Variants in NRCAM observed in about 807,000 individuals in gnomAD.
The protein encoded by NRCAM is NgCAM-related cell adhesion molecule.
A neutral mutation model predicts 156.5 loss-of-function variants in NRCAM; 83 were observed. The ratio of observed to expected loss-of-function variants is 0.53; its 90% CI spans 0.44 to 0.64. The LOEUF (loss-of-function observed/expected upper bound fraction) is 0.64, where lower values mean the gene tolerates loss of function less well. Among genes scored for constraint, NRCAM ranks in the 30% least tolerant of loss-of-function variants. The probability of loss-of-function intolerance (pLI) is 0.00; values close to 1 mark genes in which losing one functional copy is unlikely to be tolerated. For synonymous variants in NRCAM, 538 were observed against 563.9 expected, an observed-to-expected ratio of 0.95 and a Z score of 0.65; for missense variants, 1,417 against 1,597.3, an observed-to-expected ratio of 0.89 and a Z score of 1.92.
chr7:108,245,900 T>C (rs997327421), intron 3 of NRCAM, among the ~76,000 whole-genome samples: 14 of 152,090 alleles, frequency 9.2e-5, no homozygotes, highest in Non-Finnish European at 2.9e-5. Flanking sequence ...AATAGAACAA[T>C]ATGAGGCAAT....
rs1302408650 is a variant in NRCAM, at chr7:108,240,104, T to G, written c.-40A>C. 7.1e-7 allele frequency: 1 copy of G among 1,402,412 alleles called. No homozygotes were observed. 86.9% of individuals were successfully genotyped at this position (1,402,412 alleles called of 1,614,324 possible). ...CTGAGACTCACACACTGAATTTCCT[T>G]TTCTTCTTTCACAAAAGATTTTGTG... On this transcript the variant is annotated 5_prime_UTR_variant, in exon 4 of 33. Transcript: ENST00000379028.
At chr7:108,241,364 C>T (rs1271484028) in intron 3 of NRCAM, among the ~76,000 whole-genome samples, 2 of 152,138 alleles carry the variant, frequency 1.3e-5, no homozygotes, top group Non-Finnish European at 2.9e-5. Flanking sequence ...ATATCCATCC[C>T]ACAGTAAACT....
At chr7:108,304,187 T>G (rs930048749) in intron 3 of NRCAM, among the ~76,000 whole-genome samples, 3 of 152,224 alleles carry the variant, frequency 2.0e-5, no homozygotes, top group African/African-American at 7.2e-5. Flanking sequence ...CAAGACATTG[T>G]GATTTTCCCC....
chr7:108,358,244 CAA>C (rs71314689), intron 2 of NRCAM, among the ~76,000 whole-genome samples: 11 of 71,762 alleles, frequency 1.5e-4, no homozygotes, highest in Non-Finnish European at 1.4e-4. Context: ...CCCCTCTCTA[CAA>C]AAAAAAAAAA....
intron 11 of NRCAM, among the ~76,000 whole-genome samples, chr7:108,222,650 G>A (rs1562808983): frequency 2.6e-5 from 4 of 152,070 alleles, no homozygotes; most frequent in Non-Finnish European, 5.9e-5. Flanking sequence ...GTAATGCATA[G>A]TATGATTTCC....
intron 2 of NRCAM, among the ~76,000 whole-genome samples, chr7:108,342,067 T>C (rs2099288389): frequency 6.6e-6 from 1 of 152,254 alleles, no homozygotes; most frequent in Admixed American, 6.5e-5. Flanking sequence ...TCACTTGGAC[T>C]GTTTTACCCC....
chr7:108,344,229 G>T (rs1292334530), intron 2 of NRCAM, among the ~76,000 whole-genome samples: 5 of 152,190 alleles, frequency 3.3e-5, no homozygotes, highest in Admixed American at 3.3e-4. Flanking sequence ...AGCTGGGAAG[G>T]TGACTGCAAC....
At chr7:108,268,150 CTA>C (rs778234731) in intron 3 of NRCAM, among the ~76,000 whole-genome samples, 2 of 152,126 alleles carry the variant, frequency 1.3e-5, no homozygotes, top group Non-Finnish European at 2.9e-5. Flanking sequence ...GATAAAAAGA[CTA>C]TATTCTCTTC....
chr7:108,258,469 C>T (rs1044892322), intron 3 of NRCAM, among the ~76,000 whole-genome samples: 1 of 152,092 alleles, frequency 6.6e-6, no homozygotes, highest in Non-Finnish European at 1.5e-5. Context: ...AGGGAAAGAC[C>T]CCAATTCAGA....
At chr7:108,258,602 G>A (rs868616046) in intron 3 of NRCAM, among the ~76,000 whole-genome samples, 39 of 152,200 alleles carry the variant, frequency 2.6e-4, no homozygotes, top group African/African-American at 8.2e-4. Flanking sequence ...TCCTGGTGCT[G>A]TCACCTACAA....
At chr7:108,373,190 G>A (rs1455505575) in intron 2 of NRCAM, among the ~76,000 whole-genome samples, 1 of 152,090 alleles carries the variant, frequency 6.6e-6, no homozygotes, top group African/African-American at 2.4e-5. Flanking sequence ...GCCAAGGGGT[G>A]GAAGTAGGAG....
chr7:108,413,751 C>T (rs1798201550), intron 1 of NRCAM, among the ~76,000 whole-genome samples: 1 of 152,120 alleles, frequency 6.6e-6, no homozygotes, highest in Non-Finnish European at 1.5e-5. Context: ...TTTAGTTATC[C>T]AGCCAATAGA....
intron 30 of NRCAM, among the ~76,000 whole-genome samples, chr7:108,166,161 T>C (rs2053981099): frequency 6.6e-6 from 1 of 152,206 alleles, no homozygotes; most frequent in South Asian, 2.1e-4. Flanking sequence ...AATGTAATAA[T>C]ATCTGTATCA....
intron 2 of NRCAM, among the ~76,000 whole-genome samples, chr7:108,323,056 G>C (rs1042123859): frequency 1.3e-5 from 2 of 152,124 alleles, no homozygotes; most frequent in African/African-American, 2.4e-5. Flanking sequence ...GGTGTTATGA[G>C]AGCTTGGTTT....
At chr7:108,432,232 A>G (rs548794118) in intron 1 of NRCAM, among the ~76,000 whole-genome samples, 1 of 152,384 alleles carries the variant, frequency 6.6e-6, no homozygotes, top group South Asian at 2.1e-4. Context: ...ATAAGGAATA[A>G]AGAAAAGGTT....
chr7:108,202,333 A>C (rs1273483725), intron 13 of NRCAM, among the ~76,000 whole-genome samples: 2 of 152,220 alleles, frequency 1.3e-5, no homozygotes, highest in African/African-American at 2.4e-5. Flanking sequence ...ACATGAACAG[A>C]GTACGATCAA....
intron 3 of NRCAM, among the ~76,000 whole-genome samples, chr7:108,294,196 T>TG (rs2098403349): frequency 2.2e-5 from 2 of 89,582 alleles, no homozygotes; most frequent in Non-Finnish European, 2.3e-5. Context: ...TTTACTGGTT[T>TG]TTTTTTTTTT....
intron 2 of NRCAM, among the ~76,000 whole-genome samples, chr7:108,325,855 T>C (rs1317680435): frequency 6.6e-6 from 1 of 152,124 alleles, no homozygotes; most frequent in Non-Finnish European, 1.5e-5. Context: ...TGAAATTCTT[T>C]ATTTGAAAAA....
intron 2 of NRCAM, among the ~76,000 whole-genome samples, chr7:108,345,120 T>A (rs1480954754): frequency 6.6e-6 from 1 of 152,214 alleles, no homozygotes; most frequent in Non-Finnish European, 1.5e-5. Context: ...TGAAGTGAAT[T>A]CAAATAGGAA....
Sources: gnomAD v4.1 joint callset for allele counts (sites outside exome capture counted in the v4.1 genomes callset) on GRCh38, gnomAD v4.1.1 for gene constraint, MANE v1.5 for transcripts, NCBI Gene and HGNC (gene_info 2026-07-23, HGNC 2026-07-21) for gene names.